Variants in SGCZ observed in about 807,000 individuals in gnomAD.
SGCZ encodes sarcoglycan zeta, also known as zeta-sarcoglycan.
Under a neutral mutation model 41.3 loss-of-function variants are expected in SGCZ, and 40 were observed. The ratio of observed to expected loss-of-function variants is 0.97; its 90% CI spans 0.75 to 1.26. The LOEUF (loss-of-function observed/expected upper bound fraction) is 1.26, where lower values mean the gene tolerates loss of function less well. SGCZ is among the 50% of genes most tolerant of loss of function. SGCZ has a pLI of 0.00. For synonymous variants in SGCZ, 206 were observed against 137.5 expected, an observed-to-expected ratio of 1.50 and a Z score of -3.49; for missense variants, 552 against 369.8, an observed-to-expected ratio of 1.49 and a Z score of -4.04.
intron 1 of SGCZ, among the ~76,000 whole-genome samples, chr8:14,618,123 C>G (rs1806165788): frequency 6.6e-6 from 1 of 152,078 alleles, no homozygotes; most frequent in African/African-American, 2.4e-5. Context: ...GTGCCATGCA[C>G]TATTCTAGAT....
intron 1 of SGCZ, among the ~76,000 whole-genome samples, chr8:14,968,806 G>C (rs1563398873): frequency 6.6e-6 from 1 of 152,096 alleles, no homozygotes; most frequent in Admixed American, 6.6e-5. Flanking sequence ...TTTGACTTGT[G>C]TATACACTAT....
chr8:14,160,852 C>A (rs754601299), intron 5 of SGCZ, among the ~76,000 whole-genome samples: 13 of 152,138 alleles, frequency 8.5e-5, no homozygotes, highest in African/African-American at 9.7e-5. Context: ...CTGACTTTGC[C>A]TCAGATATAC....
chr8:15,034,058 A>G (rs1020173993), intron 1 of SGCZ, among the ~76,000 whole-genome samples: 1 of 150,748 alleles, frequency 6.6e-6, no homozygotes, highest in Admixed American at 6.6e-5. Flanking sequence ...ATATTAAAAA[A>G]CAAAAAGACA....
At chr8:14,348,723 G>A (rs1802980288) in intron 2 of SGCZ, among the ~76,000 whole-genome samples, 1 of 152,084 alleles carries the variant, frequency 6.6e-6, no homozygotes, top group African/African-American at 2.4e-5. Flanking sequence ...CTGATTTGGT[G>A]TAAGAAGAAC....
chr8:14,777,240 C>T (rs73201225), intron 1 of SGCZ, among the ~76,000 whole-genome samples: 21,836 of 152,030 alleles, frequency 0.14, 1,884 homozygotes, highest in Middle Eastern at 0.19. Context: ...TGAATTAGAA[C>T]AGTAAAATAA....
intron 1 of SGCZ, among the ~76,000 whole-genome samples, chr8:15,122,130 C>T (rs1807505303): frequency 6.6e-6 from 1 of 151,656 alleles, no homozygotes; most frequent in African/African-American, 2.4e-5. Context: ...ACCCCCCCAC[C>T]CCTCCAACTC....
At chr8:15,184,658 G>A (rs1024396114) in intron 1 of SGCZ, among the ~76,000 whole-genome samples, 2 of 152,130 alleles carry the variant, frequency 1.3e-5, no homozygotes, top group Admixed American at 6.5e-5. Flanking sequence ...GAGAGCAGGC[G>A]ATTTCTTCAC....
intron 1 of SGCZ, among the ~76,000 whole-genome samples, chr8:14,793,628 T>C (rs1437289810): frequency 1.3e-5 from 2 of 152,088 alleles, no homozygotes; most frequent in African/African-American, 4.8e-5. Flanking sequence ...ATGTCTGAGA[T>C]TTGTACACCC....
At chr8:15,033,277 A>T (rs1206067240) in intron 1 of SGCZ, among the ~76,000 whole-genome samples, 1 of 151,996 alleles carries the variant, frequency 6.6e-6, no homozygotes, top group African/African-American at 2.4e-5. Flanking sequence ...ACTCCAGGTC[A>T]GCCCCAGAAT....
At chr8:14,450,308 T>G (rs11989070) in intron 2 of SGCZ, among the ~76,000 whole-genome samples, 24,239 of 145,070 alleles carry the variant, frequency 0.17, 2,051 homozygotes, top group African/African-American at 0.22. Flanking sequence ...GAATTCCTAA[T>G]CCTGCAAGTA....
At position 14,777,038 on chromosome 8, in the gene SGCZ, G is replaced by C. The variant is rs146779879; in HGVS notation, c.40-222112C>G. Among the ~76,000 whole-genome samples the C allele has an allele frequency of 1.4e-3, 220 of 152,312 alleles. 2 individuals carry two copies. Among genetic ancestry groups the C allele is most frequent in the Admixed American group, 7.0e-3 (107 of 15,294 alleles). ...ATGTAGTCCAGCATGTATTCTATCT[G>C]TGAGGAGGAATGTATGAATCCCAAG... On this transcript the variant is annotated intron_variant, in intron 1 of 7. Coordinates refer to ENST00000382080, the MANE Select transcript of SGCZ (RefSeq NM_139167.4).
chr8:14,412,128 CA>C (rs966369076), intron 2 of SGCZ, among the ~76,000 whole-genome samples: 12 of 151,970 alleles, frequency 7.9e-5, no homozygotes, highest in African/African-American at 2.9e-4. Flanking sequence ...TATGGTATTA[CA>C]AAATTCTAAT....
chr8:14,920,728 CT>C (rs1319407740), intron 1 of SGCZ, among the ~76,000 whole-genome samples: 2 of 152,144 alleles, frequency 1.3e-5, no homozygotes, highest in Non-Finnish European at 2.9e-5. Context: ...ACAGGAATTA[CT>C]TTTAATATAG....
chr8:14,361,017 A>T (rs6996256), intron 2 of SGCZ, among the ~76,000 whole-genome samples: 12,763 of 152,130 alleles, frequency 0.084, 1,619 homozygotes, highest in African/African-American at 0.28. Flanking sequence ...TAGTTTTCAT[A>T]TGTATTTCTC....
chr8:14,451,497 T>A (rs186981307), intron 2 of SGCZ, among the ~76,000 whole-genome samples: 4 of 152,290 alleles, frequency 2.6e-5, no homozygotes, highest in African/African-American at 4.8e-5. Context: ...TGGAACCGAA[T>A]AATGATGGCC....
chr8:15,089,161 A>G (rs1237872923), intron 1 of SGCZ, among the ~76,000 whole-genome samples: 1 of 152,178 alleles, frequency 6.6e-6, no homozygotes, highest in Non-Finnish European at 1.5e-5. Context: ...ACAAGCACAT[A>G]TTACTAACCT....
intron 1 of SGCZ, among the ~76,000 whole-genome samples, chr8:14,645,045 A>G (rs1807161795): frequency 6.6e-6 from 1 of 151,680 alleles, no homozygotes; most frequent in Non-Finnish European, 1.5e-5. Flanking sequence ...AATAAATCAA[A>G]TATTTGAGAA....
At chr8:14,158,824 A>G (rs1480860675) in intron 5 of SGCZ, among the ~76,000 whole-genome samples, 1 of 152,150 alleles carries the variant, frequency 6.6e-6, no homozygotes, top group Non-Finnish European at 1.5e-5. Context: ...GCTGCAGTGC[A>G]GTGTCAGGAT....
chr8:14,252,069 C>G lies in SGCZ; in HGVS notation c.337-14390G>C, dbSNP rs972633783. On this transcript the variant is annotated intron_variant, in intron 3 of 7. Transcript: ENST00000382080. Reference sequence around the variant, plus strand: ...TCATCTGTTAGCTCTTCAATAGGGCCTCTTCTTCATTCTTTACAGTCTCCC... The same window carrying G: ...TCATCTGTTAGCTCTTCAATAGGGCGTCTTCTTCATTCTTTACAGTCTCCC... Among the ~76,000 whole-genome samples the G allele has an allele frequency of 2.8e-4, 43 of 152,038 alleles. 1 individual carries two copies. The highest frequency in any genetic ancestry group is 7.4e-5 in the Non-Finnish European group (5 of 67,998).
Sources: gnomAD v4.1 joint callset for allele counts (sites outside exome capture counted in the v4.1 genomes callset) on GRCh38, gnomAD v4.1.1 for gene constraint, MANE v1.5 for transcripts, NCBI Gene and HGNC (gene_info 2026-07-23, HGNC 2026-07-21) for gene names.